Variants in RHOU observed in about 807,000 individuals in gnomAD.
The protein encoded by RHOU is rho-related GTP-binding protein RhoU.
A neutral mutation model predicts 12.6 loss-of-function variants in RHOU; 8 were observed. The observed-to-expected ratio is 0.64, with a 90% confidence interval of 0.37 to 1.15. The LOEUF is 1.15. RHOU is among the 50% of genes most tolerant of loss of function. The pLI, the probability that RHOU is intolerant of heterozygous loss-of-function variation, is 0.01. For missense variants in RHOU, 258 were observed against 347.0 expected (o/e 0.74, Z 2.04); for synonymous variants, 161 against 147.4 (o/e 1.09, Z -0.67).
the RHOU span, among the ~76,000 whole-genome samples, chr1:228,661,725 C>T: frequency 6.6e-6 from 1 of 152,058 alleles, no homozygotes; most frequent in Non-Finnish European, 1.5e-5. Context: ...CCATAAAAAC[C>T]CTAGAAGAAA....
chr1:228,648,566 G>C, the RHOU span, among the ~76,000 whole-genome samples: 1 of 152,116 alleles, frequency 6.6e-6, no homozygotes, highest in Non-Finnish European at 1.5e-5. Flanking sequence ...ACCCAGAGCC[G>C]TTTCTTTAAA....
At position 228,743,644 on chromosome 1, in the gene RHOU, C is replaced by T. The variant is rs1410241807; in HGVS notation, c.681C>T (p.Asp227=). The change falls in exon 3 of 3, where the codon GAC becomes GAT. Residue 227 remains aspartate, a synonymous_variant. Coordinates refer to ENST00000366691, the MANE Select transcript of RHOU (RefSeq NM_021205.6). This position sits in a 1 kb window ranked among gnomAD's most constrained non-coding sequence, Gnocchi z 5.1. ...AAIVAGIQYS[D]TQQQPKKSKS... is the part of the protein sequence containing the mutation. ...TCGTCGCTGGCATTCAATACTCGGA[C>T]ACTCAGCAACAGCCAAAGAAGTCTA... is the stretch of plus-strand genomic sequence containing the variant. 7 of 1,614,066 alleles carry T rather than the reference C, an allele frequency of 4.3e-6. No homozygotes were observed. The highest frequency in any genetic ancestry group is 5.9e-6 in the Non-Finnish European group (7 of 1,180,052).
the RHOU span, among the ~76,000 whole-genome samples, chr1:228,695,777 G>T: frequency 6.6e-6 from 1 of 152,276 alleles, no homozygotes; most frequent in African/African-American, 2.4e-5. Flanking sequence ...CCAGTCCTTT[G>T]GGTTTTTATG....
At chr1:228,698,457 C>T in the RHOU span, among the ~76,000 whole-genome samples, 1 of 152,192 alleles carries the variant, frequency 6.6e-6, no homozygotes. Flanking sequence ...AGATACTTTT[C>T]TGTTTAGCCA....
chr1:228,714,001 T>G, the RHOU span, among the ~76,000 whole-genome samples: 1 of 152,216 alleles, frequency 6.6e-6, no homozygotes, highest in Non-Finnish European at 1.5e-5. Context: ...CAGTTTGAGT[T>G]TTTTGTACTC....
the RHOU span, among the ~76,000 whole-genome samples, chr1:228,724,652 T>G: frequency 1.3e-5 from 2 of 152,204 alleles, no homozygotes; most frequent in Non-Finnish European, 2.9e-5. Context: ...TTTTAGCCAT[T>G]TTCAAGTATA....
chr1:228,696,794 G>T, the RHOU span, among the ~76,000 whole-genome samples: 1 of 151,992 alleles, frequency 6.6e-6, no homozygotes, highest in African/African-American at 2.4e-5. Flanking sequence ...CGATCCACCC[G>T]CCTCGACCTG....
chr1:228,725,862 T>G, the RHOU span, among the ~76,000 whole-genome samples: 10 of 152,212 alleles, frequency 6.6e-5, no homozygotes, highest in Admixed American at 6.5e-4. Context: ...TTCACAGAAT[T>G]ACTTTAGTGA....
At chr1:228,687,214 G>A in the RHOU span, among the ~76,000 whole-genome samples, 3 of 152,008 alleles carry the variant, frequency 2.0e-5, no homozygotes, top group Admixed American at 6.6e-5. Flanking sequence ...CCAGACTTGC[G>A]GGAGTGCTCA....
the RHOU span, among the ~76,000 whole-genome samples, chr1:228,646,932 T>G: frequency 8.8e-5 from 13 of 148,084 alleles, no homozygotes; most frequent in Non-Finnish European, 1.0e-4. Flanking sequence ...GGTGGAGAGG[T>G]AAAGAGAGAG....
chr1:228,671,712 CAAAAAAAAAAAAA>C, the RHOU span, among the ~76,000 whole-genome samples: 18 of 65,262 alleles, frequency 2.8e-4, no homozygotes, highest in East Asian at 5.8e-3. Context: ...GACTCCATCT[CAAAAAAAAAAAAA>C]AAAAAAAAAA....
At chr1:228,668,062 A>G in the RHOU span, among the ~76,000 whole-genome samples, 2 of 152,182 alleles carry the variant, frequency 1.3e-5, no homozygotes, top group African/African-American at 4.8e-5. Flanking sequence ...TTACTCACCA[A>G]TGGCCGATGA....
At chr1:228,725,787 AT>A in the RHOU span, among the ~76,000 whole-genome samples, 5 of 152,258 alleles carry the variant, frequency 3.3e-5, no homozygotes, top group Non-Finnish European at 5.9e-5. Context: ...GAGAAAACAA[AT>A]TTTAAACATA....
chr1:228,667,507 T>A, the RHOU span, among the ~76,000 whole-genome samples: 22 of 152,336 alleles, frequency 1.4e-4, no homozygotes, highest in Admixed American at 9.8e-4. Flanking sequence ...GGATGTAGGA[T>A]GCTGGGAACT....
At chr1:228,659,186 C>T in the RHOU span, among the ~76,000 whole-genome samples, 2 of 152,046 alleles carry the variant, frequency 1.3e-5, no homozygotes, top group Admixed American at 6.6e-5. Flanking sequence ...CCAGACTAGC[C>T]TGACCAACAT....
the RHOU span, among the ~76,000 whole-genome samples, chr1:228,708,349 A>G: frequency 1.1e-4 from 17 of 151,948 alleles, no homozygotes; most frequent in African/African-American, 3.9e-4. Flanking sequence ...ACCAAGACAC[A>G]TAATTGTCAG....
chr1:228,676,744 G>T, the RHOU span, among the ~76,000 whole-genome samples: 1,267 of 151,882 alleles, frequency 8.3e-3, 44 homozygotes, highest in East Asian at 0.076. Flanking sequence ...TTGCAGGCAG[G>T]GGGTGGATCT....
the RHOU span, among the ~76,000 whole-genome samples, chr1:228,697,731 A>C: frequency 6.6e-6 from 1 of 152,170 alleles, no homozygotes; most frequent in Non-Finnish European, 1.5e-5. Flanking sequence ...TGCCATTGAA[A>C]TGTGCTCCCT....
chr1:228,744,363 A>T lies in RHOU; in HGVS notation c.*623A>T, dbSNP rs927799811. On this transcript the variant is annotated 3_prime_UTR_variant, in exon 3 of 3. Coordinates refer to ENST00000366691, the MANE Select transcript of RHOU (RefSeq NM_021205.6). The stretch of plus-strand genomic sequence containing the variant: ...GAAAACATCCCACTGACTGTATGGC[A>T]CTCTGTAGTCAAAAAAGGAAACTTC... The T allele has an allele frequency of 2.0e-5, 3 of 152,240 alleles. No homozygotes were observed. The highest frequency in any genetic ancestry group is 2.9e-5 in the Non-Finnish European group (2 of 68,064). The allele number at this position is 152,240 out of a possible 1,614,324, so 9.4% of individuals were successfully genotyped here.
Sources: allele counts gnomAD v4.1 joint callset (sites outside exome capture counted in the v4.1 genomes callset), GRCh38; gene constraint gnomAD v4.1.1; non-coding constraint Gnocchi (gnomAD v3.1); transcripts MANE v1.5; gene names NCBI Gene and HGNC (gene_info 2026-07-23, HGNC 2026-07-21).